PDZRN4: variants seen among roughly 807,000 people sequenced by gnomAD.
The protein encoded by PDZRN4 is PDZ domain containing ring finger 4.
Under a neutral mutation model 99.0 loss-of-function variants are expected in PDZRN4, and 70 were observed. The observed-to-expected ratio is 0.71, with a 90% CI of 0.58 to 0.86. The LOEUF (loss-of-function observed/expected upper bound fraction) is 0.86. Among genes scored for constraint, PDZRN4 ranks in the 40% least tolerant of loss-of-function variants. The pLI, the probability that PDZRN4 is intolerant of heterozygous loss-of-function variation, is 0.00. For synonymous variants in PDZRN4, 551 were observed against 501.6 expected (o/e 1.10, Z -1.32); for missense variants, 1,474 against 1,331.2 (o/e 1.11, Z -1.67).
intron 3 of PDZRN4, among the ~76,000 whole-genome samples, chr12:41,199,452 C>A (rs1377480892): frequency 6.6e-6 from 1 of 152,126 alleles, no homozygotes; most frequent in Non-Finnish European, 1.5e-5. Flanking sequence ...ACTATGGCGA[C>A]TTCCCAAAGG....
At chr12:41,406,932 A>G (rs1168027822) in intron 3 of PDZRN4, among the ~76,000 whole-genome samples, 1 of 152,148 alleles carries the variant, frequency 6.6e-6, no homozygotes, top group Admixed American at 6.6e-5. Context: ...GCACCAACAA[A>G]AGAAAGAGAA....
At chr12:41,274,122 A>G (rs747303535) in intron 3 of PDZRN4, among the ~76,000 whole-genome samples, 35 of 152,132 alleles carry the variant, frequency 2.3e-4, no homozygotes, top group Non-Finnish European at 4.3e-4. Context: ...TACCTCACCA[A>G]TAAGTGGTAG....
At chr12:41,536,859 T>C (rs1376619646) in intron 5 of PDZRN4, among the ~76,000 whole-genome samples, 2 of 152,188 alleles carry the variant, frequency 1.3e-5, no homozygotes, top group Non-Finnish European at 2.9e-5. Flanking sequence ...TTTGTCATCT[T>C]GTTAGTATGT....
chr12:41,285,768 G>A (rs11180634), intron 3 of PDZRN4, among the ~76,000 whole-genome samples: 12,339 of 151,764 alleles, frequency 0.081, 637 homozygotes, highest in African/African-American at 0.14. Context: ...ACCAAACACC[G>A]CATGTTCTCA....
intron 5 of PDZRN4, among the ~76,000 whole-genome samples, chr12:41,532,465 A>G (rs1938677562): frequency 6.6e-6 from 1 of 152,224 alleles, no homozygotes; most frequent in Admixed American, 6.5e-5. Flanking sequence ...TAGATTTTGA[A>G]TCTATACATC....
chr12:41,441,190 T>C (rs1342673711), intron 3 of PDZRN4, among the ~76,000 whole-genome samples: 2 of 152,162 alleles, frequency 1.3e-5, no homozygotes, highest in Admixed American at 1.3e-4. Context: ...TAGGATTTCA[T>C]CTAAATCTCA....
intron 7 of PDZRN4, among the ~76,000 whole-genome samples, chr12:41,560,729 T>C (rs1287186074): frequency 6.6e-6 from 1 of 152,182 alleles, no homozygotes; most frequent in Non-Finnish European, 1.5e-5. Flanking sequence ...AAACCATTAT[T>C]TCAGGACCAA....
chr12:41,399,978 G>C (rs60954648), intron 3 of PDZRN4, among the ~76,000 whole-genome samples: 1 of 152,070 alleles, frequency 6.6e-6, no homozygotes, highest in Non-Finnish European at 1.5e-5. Flanking sequence ...AAGAGAGAGA[G>C]AACGTTATGG....
rs1229742847 is a variant in PDZRN4 at position 41,194,104 on chromosome 12, T to C, written c.759T>C (p.Thr253=). Residue 253 remains threonine (T), a synonymous_variant, in exon 3 of 10, where the codon ACT becomes ACC. Transcript: ENST00000402685. The stretch of plus-strand genomic sequence containing the variant: ...AGAATAATCAGGAAGGAACATCGAC[T>C]GAAGGAATTTACGTTTCAAAAATTT... ...PNQNNQEGTS[T]EGIYVSKILE... The C allele has an allele frequency of 2.6e-6, 4 of 1,531,648 alleles. No homozygotes were observed. The African/African-American group carries it at 4.1e-5, about 16-fold the overall frequency. The allele number at this position is 1,531,648 out of a possible 1,614,324, so 94.9% of individuals were successfully genotyped here. A position where few individuals can be genotyped will look rare whatever the true frequency, so the allele number is the denominator to read the frequency against.
intron 5 of PDZRN4, among the ~76,000 whole-genome samples, chr12:41,546,933 A>G (rs1376788028): frequency 6.6e-6 from 1 of 152,186 alleles, no homozygotes; most frequent in African/African-American, 2.4e-5. Flanking sequence ...TTTGATGGAG[A>G]TCTCCCAAAA....
At chr12:41,336,748 G>A (rs77100050) in intron 3 of PDZRN4, among the ~76,000 whole-genome samples, 579 of 152,162 alleles carry the variant, frequency 3.8e-3, no homozygotes, top group African/African-American at 0.013. Flanking sequence ...AGTGGGGAGT[G>A]TTGATTGGTC....
chr12:41,480,729 A>G (rs908715133), intron 3 of PDZRN4, among the ~76,000 whole-genome samples: 5 of 152,074 alleles, frequency 3.3e-5, no homozygotes, highest in African/African-American at 1.2e-4. Flanking sequence ...ATTTTTTTTC[A>G]GATTGTCAAC....
chr12:41,303,122 C>T (rs955507480), intron 3 of PDZRN4, among the ~76,000 whole-genome samples: 1 of 152,064 alleles, frequency 6.6e-6, no homozygotes, highest in Non-Finnish European at 1.5e-5. Context: ...AGCACATGAT[C>T]TCATGGCAGG....
chr12:41,539,670 G>A (rs1421080559), intron 5 of PDZRN4, among the ~76,000 whole-genome samples: 1 of 152,024 alleles, frequency 6.6e-6, no homozygotes. Context: ...CTTATCAACA[G>A]GGTTATCTAT....
chr12:41,547,178 TC>T (rs1040015160), intron 5 of PDZRN4, among the ~76,000 whole-genome samples: 5 of 152,202 alleles, frequency 3.3e-5, no homozygotes, highest in Non-Finnish European at 7.3e-5. Flanking sequence ...GAAAAAACCT[TC>T]CTGATGTAAA....
In PDZRN4 at chr12:41,502,026, C is replaced by G. The variant is rs575164843; in HGVS notation, c.844-4430C>G. Among the ~76,000 whole-genome samples the G allele has an allele frequency of 1.1e-4, 17 of 152,226 alleles. No individual in the cohort carries two copies. The South Asian group carries it at 3.5e-3, about 32-fold the overall frequency. ...AGTTTGTCTCGGGACAACCACATGT[C>G]ACTGTTTATCCTAGAATTTCTCTCA... On this transcript the variant is annotated intron_variant, in intron 3 of 9. Transcript: ENST00000402685.
intron 3 of PDZRN4, among the ~76,000 whole-genome samples, chr12:41,230,818 T>C (rs2120753289): frequency 6.6e-6 from 1 of 152,264 alleles, no homozygotes; most frequent in Middle Eastern, 3.4e-3. Flanking sequence ...ATACTTGCTT[T>C]TATTTGTAAT....
chr12:41,335,673 T>C (rs1203822637), intron 3 of PDZRN4, among the ~76,000 whole-genome samples: 1 of 152,122 alleles, frequency 6.6e-6, no homozygotes, highest in Non-Finnish European at 1.5e-5. Flanking sequence ...AGGCTAATAT[T>C]ACTTTGTGGA....
chr12:41,452,427 A>C (rs1952782656), intron 3 of PDZRN4, among the ~76,000 whole-genome samples: 1 of 143,614 alleles, frequency 7.0e-6, no homozygotes, highest in South Asian at 2.3e-4. Context: ...CGACAAAGTG[A>C]GCCTCCGTCT....
Sources: gnomAD v4.1 joint callset for allele counts (sites outside exome capture counted in the v4.1 genomes callset) on GRCh38, gnomAD v4.1.1 for gene constraint, MANE v1.5 for transcripts, NCBI Gene and HGNC (gene_info 2026-07-23, HGNC 2026-07-21) for gene names.